The following CNTN6 variants were observed in gnomAD, a reference collection of about 807,000 sequenced individuals.
CNTN6 encodes the protein contactin-6.
In CNTN6, 137 loss-of-function variants were observed where a neutral mutation model predicts 122.8. The ratio of observed to expected loss-of-function variants is 1.12; its 90% CI spans 0.97 to 1.29. The LOEUF (loss-of-function observed/expected upper bound fraction) is 1.29. Ranked by LOEUF, CNTN6 falls within the 50% of genes most tolerant of loss-of-function variation. The pLI is 0.00. For synonymous variants in CNTN6, 570 were observed against 426.0 expected (o/e 1.34, Z -4.16); for missense variants, 1,634 against 1,223.4 (o/e 1.34, Z -5.01).
At chr3:1,245,235 TACAC>T (rs1197365732) in intron 4 of CNTN6, among the ~76,000 whole-genome samples, 7 of 6,922 alleles carry the variant, frequency 1.0e-3, no homozygotes, top group African/African-American at 7.0e-3. Flanking sequence ...TATATATATA[TACAC>T]ACACACATAT....
intron 1 of CNTN6, among the ~76,000 whole-genome samples, chr3:1,130,620 C>T (rs1427422479): frequency 1.3e-5 from 2 of 152,140 alleles, no homozygotes; most frequent in Non-Finnish European, 2.9e-5. Flanking sequence ...TGGCTTCATT[C>T]TCTTTCTGAG....
At chr3:1,319,405 C>G (rs1421847743) in intron 7 of CNTN6, among the ~76,000 whole-genome samples, 1 of 151,566 alleles carries the variant, frequency 6.6e-6, no homozygotes, top group Non-Finnish European at 1.5e-5. Flanking sequence ...GTACTTGGTA[C>G]TCTGTATTGT....
chr3:1,278,342 T>C, intron 4 of CNTN6, 71 bp from the exon 5 acceptor site: 1 of 1,094,182 alleles, frequency 9.1e-7, no homozygotes, highest in East Asian at 2.4e-5. Context: ...AAAACATTCT[T>C]GAGATTCTTC....
chr3:1,333,465 A>G lies in CNTN6; in HGVS notation c.1364+3530A>G, dbSNP rs1702606179. The stretch of plus-strand genomic sequence containing the variant: ...CTGTTAAAACATGACACAGTTGTAT[A>G]TATATGAAGAATAAAAAAGTCAGAT... On this transcript the variant is annotated intron_variant, in intron 11 of 22. Transcript: ENST00000446702. Among the ~76,000 whole-genome samples the G allele has an allele frequency of 2.0e-5, 3 of 152,098 alleles. No homozygotes were observed. The South Asian group carries it at 6.2e-4, about 31-fold the overall frequency.
intron 4 of CNTN6, among the ~76,000 whole-genome samples, chr3:1,232,992 A>G (rs2094371904): frequency 6.6e-6 from 1 of 152,164 alleles, no homozygotes; most frequent in South Asian, 2.1e-4. Context: ...AGACCTGAGA[A>G]CTGAAATGCA....
intron 4 of CNTN6, among the ~76,000 whole-genome samples, chr3:1,257,632 T>C (rs973696368): frequency 6.6e-6 from 1 of 151,950 alleles, no homozygotes; most frequent in African/African-American, 2.4e-5. Flanking sequence ...ATCCAAGAGG[T>C]TTTCTGCTGT....
intron 5 of CNTN6, among the ~76,000 whole-genome samples, chr3:1,295,042 C>A (rs1277087945): frequency 6.6e-6 from 1 of 152,138 alleles, no homozygotes; most frequent in Non-Finnish European, 1.5e-5. Flanking sequence ...GACTTGAGCT[C>A]AGGAGTTGGA....
At chr3:1,199,858 A>G (rs766308730) in intron 2 of CNTN6, among the ~76,000 whole-genome samples, 19 of 152,146 alleles carry the variant, frequency 1.2e-4, no homozygotes, top group Non-Finnish European at 2.6e-4. Context: ...TAAACAGTCA[A>G]TTTCTTCCAT....
chr3:1,175,758 G>A (rs975614105), intron 2 of CNTN6, among the ~76,000 whole-genome samples: 3 of 152,210 alleles, frequency 2.0e-5, no homozygotes, highest in African/African-American at 7.2e-5. Flanking sequence ...GGCAGTCATA[G>A]AAATCAAAGC....
chr3:1,150,535 A>G lies in CNTN6; in HGVS notation c.55+2472A>G, dbSNP rs80291383. 1.4e-3 allele frequency among the ~76,000 whole-genome samples: 218 copies of G among 152,344 alleles called. 4 individuals carry two copies. The East Asian group carries it at 0.033, about 23-fold the overall frequency. On this transcript the variant is annotated intron_variant, in intron 2 of 22. Transcript: ENST00000446702. The stretch of plus-strand genomic sequence containing the variant: ...ACAATGAAACTTAATCCATACAGTC[A>G]TACATGATTGATTCTGGGACACTTT...
chr3:1,187,673 G>T (rs903571390), intron 2 of CNTN6, among the ~76,000 whole-genome samples: 4 of 152,164 alleles, frequency 2.6e-5, no homozygotes, highest in African/African-American at 9.7e-5. Context: ...AATTTGTGAG[G>T]CCAAGGGAAA....
intron 11 of CNTN6, among the ~76,000 whole-genome samples, chr3:1,338,745 G>A (rs1220885785): frequency 6.6e-6 from 1 of 152,172 alleles, no homozygotes; most frequent in Middle Eastern, 3.4e-3. Context: ...GACAGAAAAG[G>A]TCAATTATTC....
chr3:1,387,900 CG>C (rs1560004815), intron 20 of CNTN6, among the ~76,000 whole-genome samples: 1 of 152,136 alleles, frequency 6.6e-6, no homozygotes, highest in African/African-American at 2.4e-5. Flanking sequence ...GCACCCGGCT[CG>C]GAGGGTCCTA....
intron 2 of CNTN6, among the ~76,000 whole-genome samples, chr3:1,214,818 G>T (rs1033747639): frequency 6.6e-6 from 1 of 152,166 alleles, no homozygotes; most frequent in African/African-American, 2.4e-5. Flanking sequence ...GTACAGCAGT[G>T]TGATCATAGT....
intron 5 of CNTN6, among the ~76,000 whole-genome samples, chr3:1,280,347 G>T (rs17037119): frequency 0.026 from 3,929 of 151,942 alleles, 182 homozygotes; most frequent in African/African-American, 0.09. Context: ...AGCGCCCGTG[G>T]GGTCGATGCC....
intron 5 of CNTN6, among the ~76,000 whole-genome samples, chr3:1,291,853 G>T (rs1008516718): frequency 6.6e-6 from 1 of 152,022 alleles, no homozygotes; most frequent in African/African-American, 2.4e-5. Context: ...AGAAAATAAA[G>T]ACTCAATACA....
chr3:1,268,893 A>G (rs1256975804), intron 4 of CNTN6, among the ~76,000 whole-genome samples: 1 of 152,040 alleles, frequency 6.6e-6, no homozygotes, highest in Non-Finnish European at 1.5e-5. Context: ...AGGCAGGAGG[A>G]TTGCATGAGC....
chr3:1,336,126 TAAAAA>T (rs11319985), intron 11 of CNTN6, among the ~76,000 whole-genome samples: 1 of 150,804 alleles, frequency 6.6e-6, no homozygotes, highest in East Asian at 2.0e-4. Context: ...TCATTTTCCT[TAAAAA>T]AAAAGCCTAC....
At chr3:1,288,560 T>C (rs548006398) in intron 5 of CNTN6, among the ~76,000 whole-genome samples, 5 of 152,318 alleles carry the variant, frequency 3.3e-5, no homozygotes, top group African/African-American at 1.2e-4. Flanking sequence ...ATTTACCCAG[T>C]AAATCTGAAC....
Sources: gnomAD v4.1 joint callset for allele counts (sites outside exome capture counted in the v4.1 genomes callset) on GRCh38, gnomAD v4.1.1 for gene constraint, MANE v1.5 for transcripts, NCBI Gene and HGNC (gene_info 2026-07-23, HGNC 2026-07-21) for gene names.